TRPV2: variants seen among roughly 807,000 people sequenced by gnomAD.
The protein encoded by TRPV2 is transient receptor potential cation channel subfamily V member 2, also known as OTRPC2.
TRPV2 carries 58 observed loss-of-function variants against 91.0 expected under a neutral mutation model. The observed-to-expected ratio is 0.64, with a 90% CI of 0.52 to 0.79. The LOEUF (loss-of-function observed/expected upper bound fraction) is 0.79. Among genes scored for constraint, TRPV2 ranks in the 30% least tolerant of loss-of-function variants. The pLI, the probability that TRPV2 is intolerant of heterozygous loss-of-function variation, is 0.00. For missense variants in TRPV2, 807 were observed against 969.6 expected (o/e 0.83, Z 2.23); for synonymous variants, 417 against 414.8 (o/e 1.01, Z -0.06).
At chr17:16,436,688 C>T (rs1224444944) in intron 14 of TRPV2, 101 bp from the exon 15 acceptor site, 7 of 809,846 alleles carry the variant, frequency 8.6e-6, no homozygotes, top group South Asian at 3.0e-5. Context: ...GCTGTCCCCA[C>T]GGCATGACGT....
At position 16,422,764 on chromosome 17, in the gene TRPV2, T is replaced by C. The variant is rs369696640; in HGVS notation, c.500T>C (p.Leu167Pro). The C allele has an allele frequency of 2.5e-6, 4 of 1,577,302 alleles. No homozygotes were observed. Among genetic ancestry groups the C allele is most frequent in the Non-Finnish European group, 3.4e-6 (4 of 1,160,134 alleles). ...GACTATTACCGAGGCCACAGCGCTC[T>C]GCACATCGCCATTGAGAAGAGGAGT... ...TDDYYRGHSA[L>P]HIAIEKRSLQ... is the part of the protein sequence containing the mutation. Residue 167 changes from leucine (L) to proline (P), a missense_variant, in exon 4 of 15, where the codon CTG (leucine) becomes CCG (proline). Physicochemically the swap from Leu to Pro is moderately conservative, Grantham distance 98. Transcript: ENST00000338560.
At position 16,434,191 on chromosome 17, in the gene TRPV2, G is replaced by A. The variant is rs370566322; in HGVS notation, c.2114+493G>A. ...CAGCTAAAAACAGACACTGTCGGCCGGGTGCAGTGGCTCATGCCTGTAATC... is the reference window on the plus strand; with the variant it reads ...CAGCTAAAAACAGACACTGTCGGCCAGGTGCAGTGGCTCATGCCTGTAATC... On this transcript the variant is annotated intron_variant, in intron 13 of 14. Transcript: ENST00000338560. Among the ~76,000 whole-genome samples the A allele has an allele frequency of 1.5e-3, 235 of 152,282 alleles. No individual in the cohort carries two copies. The Middle Eastern group carries it at 0.02, about 13-fold the overall frequency.
At position 16,436,863 on chromosome 17, in the gene TRPV2, C is replaced by A; in HGVS notation, c.2269C>A (p.Pro757Thr). Residue 757 changes from proline (P) to threonine (T), a missense_variant, in exon 15 of 15, where the codon CCC becomes ACC. Transcript: ENST00000338560. Reference protein sequence around the residue: ...EDGASEENYVPVQLLQSN With the variant: ...EDGASEENYVTVQLLQSN Reference sequence around the variant, plus strand: ...TGGTGCCTCTGAGGAAAACTATGTGCCCGTCCAGCTCCTCCAGTCCAACTG... The same window carrying A: ...TGGTGCCTCTGAGGAAAACTATGTGACCGTCCAGCTCCTCCAGTCCAACTG... 1 of 1,614,090 alleles carries A rather than the reference C, an allele frequency of 6.2e-7. No individual in the cohort carries two copies. The highest frequency in any genetic ancestry group is 8.5e-7 in the Non-Finnish European group (1 of 1,179,954).
intron 9 of TRPV2, 184 bp downstream of exon 9, chr17:16,428,571 C>T (rs1333853342): frequency 1.4e-6 from 1 of 736,984 alleles, no homozygotes; most frequent in Non-Finnish European, 2.3e-6. Flanking sequence ...GTGCTCCCAT[C>T]ACTGTAGATG....
At chr17:16,433,829 C>A in intron 13 of TRPV2, 131 bp downstream of exon 13, 1 of 1,322,678 alleles carries the variant, frequency 7.6e-7, no homozygotes, top group Non-Finnish European at 1.0e-6. Context: ...GCACCAGGGA[C>A]TGAGCCTGAG....
chr17:16,427,053 C>A (rs141121467), intron 7 of TRPV2, among the ~76,000 whole-genome samples, 176 bp downstream of exon 7: 140 of 152,260 alleles, frequency 9.2e-4, no homozygotes, highest in African/African-American at 2.9e-3. Flanking sequence ...GCTGAGTGCT[C>A]ACTGTATGTG....
chr17:16,431,927 G>C (rs371493361), intron 11 of TRPV2, 39 bp from the exon 12 acceptor site: 1 of 1,611,970 alleles, frequency 6.2e-7, no homozygotes, highest in Non-Finnish European at 8.5e-7. Flanking sequence ...CTGCCCACCG[G>C]TCTCCTGGGC....
rs149872256 is a variant in TRPV2 at position 16,428,938 on chromosome 17, C to T, written c.1543C>T (p.Arg515Cys). 15 of 1,614,070 alleles carry T rather than the reference C, an allele frequency of 9.3e-6. No individual in the cohort carries two copies. The highest frequency in any genetic ancestry group is 3.3e-5 in the Admixed American group (2 of 60,008). Residue 515 changes from arginine to cysteine, a missense_variant, in exon 10 of 15, where the codon CGT becomes TGT. Transcript: ENST00000338560. ...LGWLNLLYYT[R>C]GFQHTGIYSV... ...CTGGCTGAACCTGCTTTACTATACA[C>T]GTGGCTTCCAGCACACAGGCATCTA... is the stretch of plus-strand genomic sequence containing the variant.
At chr17:16,436,468 C>T (rs966807103) in intron 14 of TRPV2, among the ~76,000 whole-genome samples, 6 of 152,172 alleles carry the variant, frequency 3.9e-5, no homozygotes, top group Admixed American at 2.0e-4. Flanking sequence ...TGCCACCGCC[C>T]CTGCAGGACA....
chr17:16,428,494 A>G (rs569781941), intron 9 of TRPV2, 107 bp downstream of exon 9: 4 of 1,245,764 alleles, frequency 3.2e-6, no homozygotes, highest in African/African-American at 1.5e-5. Context: ...CACGGGGCCC[A>G]GGAAGTCGGG....
chr17:16,426,411 C>A lies in TRPV2; in HGVS notation c.1095+142C>A. 1 of 1,089,090 alleles carries A rather than the reference C, an allele frequency of 9.2e-7. No individual in the cohort carries two copies. The highest frequency in any genetic ancestry group is 1.3e-6 in the Non-Finnish European group (1 of 766,524). The allele number at this position is 1,089,090 out of a possible 1,614,324, so 67.5% of individuals were successfully genotyped here. Reference sequence around the variant, plus strand: ...TGGCTGCATGTCCCAGCAGGCACGACCCTGACCATGGCCACCGGGCCCATA... The same window carrying A: ...TGGCTGCATGTCCCAGCAGGCACGAACCTGACCATGGCCACCGGGCCCATA... On this transcript the variant is annotated intron_variant, in intron 6 of 14. Transcript: ENST00000338560. The surrounding 1 kb of genome is among the most constrained non-coding windows in gnomAD (Gnocchi z 6.0).
chr17:16,426,343 C>T lies in TRPV2; in HGVS notation c.1095+74C>T, dbSNP rs2093383163. 6.5e-7 allele frequency: 1 copy of T among 1,545,374 alleles called. No homozygotes were observed. The highest frequency in any genetic ancestry group is 8.8e-7 in the Non-Finnish European group (1 of 1,136,794). On this transcript the variant is annotated intron_variant, in intron 6 of 14. Transcript: ENST00000338560. This position sits in a 1 kb window ranked among gnomAD's most constrained non-coding sequence, Gnocchi z 6.0. ...CAGCAAGGTCCACAAATTGGGGCTG[C>T]CTGCTGGACCATATCTGCCCCATTC...
In TRPV2 at chr17:16,428,263, G is replaced by A. The variant is rs184706547; in HGVS notation, c.1351-54G>A. ...AGGCTCCCACTCAGCCAGGCCAGCA[G>A]GGGGCATGCGGGAGAGCAGGTTTCA... is the stretch of plus-strand genomic sequence containing the variant. On this transcript the variant is annotated intron_variant, in intron 8 of 14. Coordinates refer to ENST00000338560, the MANE Select transcript of TRPV2 (RefSeq NM_016113.5). 4,371 of 1,571,458 alleles carry A rather than the reference G, an allele frequency of 2.8e-3. 13 individuals are homozygous for A. The highest frequency in any genetic ancestry group is 3.1e-3 in the Non-Finnish European group (3,499 of 1,142,074).
intron 5 of TRPV2, among the ~76,000 whole-genome samples, 196 bp downstream of exon 5, chr17:16,423,963 T>G (rs938302604): frequency 2.0e-5 from 3 of 152,248 alleles, no homozygotes; most frequent in African/African-American, 7.2e-5. Context: ...GCATATGAAC[T>G]ACTGAATATA....
intron 8 of TRPV2, among the ~76,000 whole-genome samples, chr17:16,427,825 C>T (rs2093390893): frequency 6.6e-6 from 1 of 152,180 alleles, no homozygotes; most frequent in Non-Finnish European, 1.5e-5. Context: ...GAAGCGCCTG[C>T]CCCTAGCCAG....
chr17:16,432,435 C>T, intron 12 of TRPV2, 135 bp downstream of exon 12: 1 of 637,912 alleles, frequency 1.6e-6, no homozygotes. Flanking sequence ...CAGTCTTCCT[C>T]TTCCTTTTTT....
At chr17:16,424,593 G>A (rs530519788) in intron 5 of TRPV2, among the ~76,000 whole-genome samples, 151 of 152,280 alleles carry the variant, frequency 9.9e-4, no homozygotes, top group African/African-American at 3.3e-3. Context: ...ATGGCACCCG[G>A]CCAAACATTG....
At chr17:16,429,043 C>T in intron 10 of TRPV2, 61 bp downstream of exon 10, 1 of 1,570,864 alleles carries the variant, frequency 6.4e-7, no homozygotes, top group South Asian at 1.1e-5. Context: ...AAGAGCCTTC[C>T]TCCACAGCTA....
rs1258364131 is a variant in TRPV2 at position 16,415,879 on chromosome 17, C to A, written c.-108+46C>A. 6.6e-6 allele frequency: 1 copy of A among 152,344 alleles called. No homozygotes were observed. The highest frequency in any genetic ancestry group is 1.9e-4 in the East Asian group (1 of 5,174). The allele number at this position is 152,344 out of a possible 1,614,324, so 9.4% of individuals were successfully genotyped here. Reference sequence around the variant, plus strand: ...GGGGACGTTGGAGGGGGCCGGGTCTCCAAGCCTGACAGTGAATGATGGGGT... The same window carrying A: ...GGGGACGTTGGAGGGGGCCGGGTCTACAAGCCTGACAGTGAATGATGGGGT... On this transcript the variant is annotated intron_variant, in intron 1 of 14. Coordinates refer to ENST00000338560, the MANE Select transcript of TRPV2 (RefSeq NM_016113.5). This position sits in a 1 kb window ranked among gnomAD's most constrained non-coding sequence, Gnocchi z 4.5.
Sources: gnomAD v4.1 joint callset for allele counts (sites outside exome capture counted in the v4.1 genomes callset) on GRCh38, gnomAD v4.1.1 for gene constraint, Gnocchi (gnomAD v3.1) non-coding constraint, MANE v1.5 for transcripts, NCBI Gene and HGNC (gene_info 2026-07-23, HGNC 2026-07-21) for gene names.